Variants in ENTPD5 observed in about 807,000 individuals in gnomAD.
ENTPD5 encodes nucleoside diphosphate phosphatase ENTPD5.
ENTPD5 carries 49 observed loss-of-function variants against 60.2 expected under a neutral mutation model. The observed-to-expected ratio is 0.81, with a 90% CI of 0.65 to 1.03. The LOEUF is 1.03. Among genes scored for constraint, ENTPD5 ranks in the 50% least tolerant of loss-of-function variants. The pLI, the probability that ENTPD5 is intolerant of heterozygous loss-of-function variation, is 0.00. For synonymous variants in ENTPD5, 187 were observed against 185.4 expected (o/e 1.01, Z -0.07); for missense variants, 480 against 507.6 (o/e 0.95, Z 0.52).
chr14:73,955,556 T>TAA (rs1566684664), downstream of ENTPD5: 1 of 1,558,104 alleles, frequency 6.4e-7, no homozygotes, highest in East Asian at 2.2e-5. Flanking sequence ...TGGTCTGTCT[T>TAA]AAGATATCGG....
downstream of ENTPD5, chr14:73,961,227 T>C: frequency 3.1e-6 from 5 of 1,614,152 alleles, no homozygotes; most frequent in Non-Finnish European, 3.4e-6. Flanking sequence ...CATGCTGCAG[T>C]ATGCTGTCAG....
At chr14:73,990,401 C>T (rs2058082626) in intron 3 of ENTPD5, among the ~76,000 whole-genome samples, 1 of 151,786 alleles carries the variant, frequency 6.6e-6, no homozygotes, top group African/African-American at 2.4e-5. Flanking sequence ...GTGGCACAAT[C>T]ACGGTTCACT....
downstream of ENTPD5, chr14:73,962,568 A>C (rs1259514050): frequency 5.3e-6 from 1 of 189,596 alleles, no homozygotes; most frequent in African/African-American, 2.4e-5. Context: ...CTTGAAAAAA[A>C]AAAATGAATA....
rs185558826 is a variant in ENTPD5 at position 73,979,499 on chromosome 14, T to C, written c.442-2125A>G. On this transcript the variant is annotated intron_variant, in intron 6 of 15. Transcript: ENST00000334696. ...TTTTTTTTTTTTTTTTGAGACAGAA[T>C]CTTGCTCTGTCACCCAGGCTGGAGT... is the stretch of plus-strand genomic sequence containing the variant. 2.9e-3 allele frequency among the ~76,000 whole-genome samples: 414 copies of C among 142,666 alleles called. 2 individuals are homozygous for C. Among genetic ancestry groups the C allele is most frequent in the African/African-American group, 0.01 (400 of 39,312 alleles). The allele number at this position is 142,666 out of a possible 152,430, so 93.6% of individuals were successfully genotyped here.
chr14:74,016,206 G>A (rs954566631), intron 1 of ENTPD5, among the ~76,000 whole-genome samples: 6 of 152,132 alleles, frequency 3.9e-5, no homozygotes, highest in Non-Finnish European at 8.8e-5. Context: ...AGAAAATGAG[G>A]GGATTCAGAA....
chr14:74,014,724 C>A (rs918470975), intron 2 of ENTPD5, among the ~76,000 whole-genome samples: 1 of 152,050 alleles, frequency 6.6e-6, no homozygotes, highest in South Asian at 2.1e-4. Context: ...CTTAATATCA[C>A]GAGAAAATGT....
chr14:73,995,585 A>AAATAGT (rs1555365285), intron 3 of ENTPD5, among the ~76,000 whole-genome samples: 2 of 144,212 alleles, frequency 1.4e-5, no homozygotes, highest in African/African-American at 5.2e-5. Flanking sequence ...ACTCTATCTC[A>AAATAGT]AATAATAATA....
chr14:74,001,745 G>A (rs2058519156), intron 3 of ENTPD5, among the ~76,000 whole-genome samples: 2 of 148,222 alleles, frequency 1.3e-5, no homozygotes, highest in Admixed American at 1.4e-4. Context: ...CTATTCAGGA[G>A]GCTGAGGTAT....
intron 2 of ENTPD5, among the ~76,000 whole-genome samples, chr14:74,015,367 T>C (rs546916617): frequency 3.6e-5 from 3 of 84,402 alleles, no homozygotes; most frequent in Non-Finnish European, 6.3e-5. Context: ...CCGCCCCCCC[T>C]TTTTTTTTTG....
At chr14:73,955,955 T>C, downstream of ENTPD5, 2 of 1,613,680 alleles carry the variant, frequency 1.2e-6, no homozygotes, top group Non-Finnish European at 1.7e-6. Context: ...CCACCTTGCA[T>C]TCATTGGGAA....
rs538785718 is a variant in ENTPD5 at position 73,993,012 on chromosome 14, A to C, written c.-70-4840T>G. 5.9e-4 allele frequency among the ~76,000 whole-genome samples: 90 copies of C among 152,284 alleles called. 2 individuals are homozygous for C. In the South Asian group the frequency reaches 0.018, roughly 31 times the overall value. ...AGTGAGATTCTATCTCAAAATAAAT[A>C]CATAAAACAAAGTTAACTATATTTG... On this transcript the variant is annotated intron_variant, in intron 3 of 15. Coordinates refer to ENST00000334696, the MANE Select transcript of ENTPD5 (RefSeq NM_001249.5).
At chr14:74,001,334 C>G (rs1378985419) in intron 3 of ENTPD5, among the ~76,000 whole-genome samples, 2 of 151,988 alleles carry the variant, frequency 1.3e-5, no homozygotes, top group Non-Finnish European at 2.9e-5. Flanking sequence ...AATCCCGTCT[C>G]TACTAAAAAT....
intron 12 of ENTPD5, among the ~76,000 whole-genome samples, chr14:73,973,403 T>C (rs1199635542): frequency 6.6e-6 from 1 of 152,226 alleles, no homozygotes; most frequent in Non-Finnish European, 1.5e-5. Context: ...GAATCATTCT[T>C]GTCTTGGTTT....
intron 4 of ENTPD5, 163 bp from the exon 5 acceptor site, chr14:73,987,056 G>T (rs1051097964): frequency 9.8e-6 from 7 of 716,364 alleles, no homozygotes; most frequent in Admixed American, 6.0e-5. Context: ...TGGAAAGAAG[G>T]ACTAGAGCAA....
chr14:73,998,882 A>G (rs540037160), intron 3 of ENTPD5, among the ~76,000 whole-genome samples: 7 of 152,296 alleles, frequency 4.6e-5, no homozygotes, highest in Non-Finnish European at 7.3e-5. Context: ...GATTGAGGTC[A>G]CATAGTAGAG....
chr14:73,960,449 G>C (rs1441745342), downstream of ENTPD5: 1 of 989,420 alleles, frequency 1.0e-6, no homozygotes, highest in Non-Finnish European at 1.2e-6. Context: ...TCACACCAAA[G>C]ACTCCACTGC....
At chr14:74,011,313 T>C (rs1477114947) in intron 2 of ENTPD5, among the ~76,000 whole-genome samples, 163 bp from the exon 3 acceptor site, 1 of 152,210 alleles carries the variant, frequency 6.6e-6, no homozygotes, top group East Asian at 1.9e-4. Context: ...TGTAGTCTAA[T>C]GCCCTTCAGC....
chr14:73,955,480 A>G (rs1239668655), downstream of ENTPD5: 1 of 1,614,030 alleles, frequency 6.2e-7, no homozygotes, highest in Non-Finnish European at 8.5e-7. Flanking sequence ...TATCTGCAAC[A>G]TGAGATACAG....
intron 3 of ENTPD5, among the ~76,000 whole-genome samples, chr14:73,995,644 C>A (rs961277491): frequency 2.8e-4 from 43 of 151,006 alleles, no homozygotes; most frequent in Admixed American, 2.6e-3. Context: ...AAAAAATTAC[C>A]CAGCCCCTGA....
Sources: allele counts gnomAD v4.1 joint callset (sites outside exome capture counted in the v4.1 genomes callset), GRCh38; gene constraint gnomAD v4.1.1; transcripts MANE v1.5; gene names NCBI Gene and HGNC (gene_info 2026-07-23, HGNC 2026-07-21).